CDR2: variants seen among roughly 807,000 people sequenced by gnomAD.
CDR2 encodes cerebellar degeneration related protein 2, also known as cerebellar degeneration-related protein 2.
Under a neutral mutation model 48.4 loss-of-function variants are expected in CDR2, and 34 were observed. The ratio of observed to expected loss-of-function variants is 0.70; its 90% CI spans 0.53 to 0.94. The LOEUF is 0.94. CDR2 is among the 40% of genes least tolerant of loss of function. The probability of loss-of-function intolerance (pLI) is 0.00; values close to 1 mark genes in which losing one functional copy is unlikely to be tolerated. For missense variants in CDR2, 498 were observed against 549.5 expected (o/e 0.91, Z 0.94); for synonymous variants, 240 against 219.7 (o/e 1.09, Z -0.82).
At chr16:22,357,694 G>T (rs1598293505) in intron 2 of CDR2, among the ~76,000 whole-genome samples, 1 of 152,200 alleles carries the variant, frequency 6.6e-6, no homozygotes, top group East Asian at 1.9e-4. Flanking sequence ...TACCAGATGG[G>T]TCTCAAGTTG....
intron 1 of CDR2, 149 bp downstream of exon 1, chr16:22,374,082 G>C (rs1240273658): frequency 1.7e-5 from 9 of 533,532 alleles, no homozygotes; most frequent in African/African-American, 1.4e-4. Flanking sequence ...CGGGATCCGC[G>C]GGCACGGCCG....
intron 2 of CDR2, among the ~76,000 whole-genome samples, chr16:22,360,451 T>C (rs2049003391): frequency 6.6e-6 from 1 of 152,194 alleles, no homozygotes; most frequent in African/African-American, 2.4e-5. Flanking sequence ...GATCAATTTT[T>C]AGGAGGATTG....
Position 22,346,964 on chromosome 16 carries a change from A to G in CDR2, c.*1T>C. The G allele has an allele frequency of 6.2e-7, 1 of 1,605,366 alleles. No individual in the cohort carries two copies. The highest frequency in any genetic ancestry group is 1.7e-4 in the Middle Eastern group (1 of 6,030). ...AATTAGTAGTAGAGCTAGAGGTTCAATTAAGAATGAGAGGAGAGTGATCGG... is the reference window on the plus strand; with the variant it reads ...AATTAGTAGTAGAGCTAGAGGTTCAGTTAAGAATGAGAGGAGAGTGATCGG... On this transcript the variant is annotated 3_prime_UTR_variant, in exon 5 of 5. Transcript: ENST00000268383.
chr16:22,374,177 CG>C, intron 1 of CDR2, 53 bp downstream of exon 1: 2 of 1,177,394 alleles, frequency 1.7e-6, no homozygotes, highest in Non-Finnish European at 2.5e-6. Flanking sequence ...AGTTTCGCAG[CG>C]GGGGCCTCCC....
intron 2 of CDR2, among the ~76,000 whole-genome samples, chr16:22,354,837 T>G (rs985655744): frequency 6.6e-6 from 1 of 152,086 alleles, no homozygotes; most frequent in African/African-American, 2.4e-5. Context: ...AAGGTTGCAG[T>G]GAGATAAGAT....
chr16:22,356,715 T>C (rs1234754097), intron 2 of CDR2, among the ~76,000 whole-genome samples: 1 of 151,986 alleles, frequency 6.6e-6, no homozygotes, highest in African/African-American at 2.4e-5. Context: ...ATCACGCCAC[T>C]GCACTCCAGC....
chr16:22,349,262 G>A lies in CDR2; in HGVS notation c.506+17C>T. ...AGACAGTCCCTGCTGTAACTCCACA[G>A]AAAGGCAGGCTCTTACTGGCGGAGG... On this transcript the variant is annotated intron_variant, in intron 4 of 4. Transcript: ENST00000268383. The A allele has an allele frequency of 6.2e-7, 1 of 1,613,840 alleles. No homozygotes were observed. The highest frequency in any genetic ancestry group is 8.5e-7 in the Non-Finnish European group (1 of 1,179,758).
At chr16:22,352,066 A>C (rs2048945477) in intron 2 of CDR2, among the ~76,000 whole-genome samples, 1 of 152,244 alleles carries the variant, frequency 6.6e-6, no homozygotes. Flanking sequence ...AGCCTGGCCA[A>C]CATGACAAAA....
At chr16:22,373,275 C>A (rs889475867) in intron 1 of CDR2, among the ~76,000 whole-genome samples, 2 of 152,184 alleles carry the variant, frequency 1.3e-5, no homozygotes, top group Admixed American at 1.3e-4. Context: ...GAGACACCAT[C>A]GGCAGGCCTG....
At chr16:22,355,671 GAA>G (rs1455978223) in intron 2 of CDR2, among the ~76,000 whole-genome samples, 2 of 152,182 alleles carry the variant, frequency 1.3e-5, no homozygotes, top group African/African-American at 4.8e-5. Context: ...TGAGAAATTA[GAA>G]GAGATAATAG....
At chr16:22,373,390 T>C (rs1421303536) in intron 1 of CDR2, among the ~76,000 whole-genome samples, 1 of 152,198 alleles carries the variant, frequency 6.6e-6, no homozygotes, top group Non-Finnish European at 1.5e-5. Context: ...GCCTAACAGC[T>C]TAACGCCCAA....
Position 22,346,091 on chromosome 16 carries a change from C to T in CDR2, c.*874G>A, listed in dbSNP as rs2048902185. The T allele has an allele frequency of 6.6e-6, 1 of 152,560 alleles. No individual in the cohort carries two copies. Among genetic ancestry groups the T allele is most frequent in the South Asian group, 2.1e-4 (1 of 4,832 alleles). 9.5% of individuals were successfully genotyped at this position (152,560 alleles called of 1,614,324 possible). A position where few individuals can be genotyped will look rare whatever the true frequency, so the allele number is the denominator to read the frequency against. ...TTAATAAAGTAGATAGGAATTTCTG[C>T]AACAAGTCAAAACATTTACAGGAAT... is the stretch of plus-strand genomic sequence containing the variant. On this transcript the variant is annotated 3_prime_UTR_variant, in exon 5 of 5. Transcript: ENST00000268383.
Position 22,347,055 on chromosome 16 carries a change from C to T in CDR2, c.1275G>A (p.Leu425=). The T allele has an allele frequency of 6.2e-7, 1 of 1,614,236 alleles. No individual in the cohort carries two copies. The highest frequency in any genetic ancestry group is 8.5e-7 in the Non-Finnish European group (1 of 1,180,036). ...SPTTPPEYKA[L]FKEIFSCIKK... ...TGATGCAACTAAAGATCTCCTTAAA[C>T]AACGCTTTGTATTCTGGAGGTGTTG... The change falls in exon 5 of 5, where the codon TTG becomes TTA. Residue 425 remains leucine (L), a synonymous_variant. Transcript: ENST00000268383.
intron 1 of CDR2, among the ~76,000 whole-genome samples, chr16:22,366,868 G>T (rs1485326976): frequency 2.6e-5 from 4 of 152,146 alleles, no homozygotes; most frequent in Non-Finnish European, 5.9e-5. Flanking sequence ...TGGTGGCTTG[G>T]ACCAGGGTGG....
In CDR2 at chr16:22,347,733, T is replaced by A; in HGVS notation, c.597A>T (p.Lys199Asn). 1 of 1,614,164 alleles carries A rather than the reference T, an allele frequency of 6.2e-7. No homozygotes were observed. The highest frequency in any genetic ancestry group is 8.5e-7 in the Non-Finnish European group (1 of 1,180,042). ...GGGCCTGCAACATTGTCACTGTTTT[T>A]TTCAAGTGCTCATTTTCCTCTTCAT... The part of the protein sequence containing the change: ...SPDEEENEHL[K>N]KTVTMLQAQL... Residue 199 changes from lysine (K) to asparagine (N), a missense_variant, in exon 5 of 5, where the codon AAA becomes AAT. By Grantham distance (94) the Lys-to-Asn change is moderately conservative. Transcript: ENST00000268383.
chr16:22,355,949 G>A (rs1306322494), intron 2 of CDR2, among the ~76,000 whole-genome samples: 1 of 152,032 alleles, frequency 6.6e-6, no homozygotes, highest in Non-Finnish European at 1.5e-5. Flanking sequence ...TTTTGACAGA[G>A]GCAATAAACC....
At chr16:22,360,364 C>CT (rs1392724793) in intron 2 of CDR2, among the ~76,000 whole-genome samples, 2 of 152,118 alleles carry the variant, frequency 1.3e-5, no homozygotes, top group African/African-American at 2.4e-5. Flanking sequence ...ATAGTTTAAT[C>CT]TTTTTTCGTT....
intron 1 of CDR2, among the ~76,000 whole-genome samples, chr16:22,373,470 TGA>T (rs2049092370): frequency 6.6e-6 from 1 of 152,228 alleles, no homozygotes; most frequent in South Asian, 2.1e-4. Context: ...ACTCTTCTTC[TGA>T]GTGTGTGGGT....
At chr16:22,359,270 G>A (rs532860764) in intron 2 of CDR2, among the ~76,000 whole-genome samples, 1 of 152,180 alleles carries the variant, frequency 6.6e-6, no homozygotes, top group Non-Finnish European at 1.5e-5. Context: ...GGGATTACAG[G>A]CGCCCGCCAC....
Sources: gnomAD v4.1 joint callset for allele counts (sites outside exome capture counted in the v4.1 genomes callset) on GRCh38, gnomAD v4.1.1 for gene constraint, MANE v1.5 for transcripts, NCBI Gene and HGNC (gene_info 2026-07-23, HGNC 2026-07-21) for gene names.